CCBE1: variants seen among roughly 807,000 people sequenced by gnomAD.
The protein encoded by CCBE1 is collagen and calcium-binding EGF domain-containing protein 1.
Under a neutral mutation model 50.0 loss-of-function variants are expected in CCBE1, and 37 were observed. That is an observed-to-expected ratio of 0.74 (90% CI 0.57 to 0.97). The LOEUF is 0.97. Among genes scored for constraint, CCBE1 ranks in the 50% least tolerant of loss-of-function variants. CCBE1 has a pLI of 0.00. For synonymous variants in CCBE1, 234 were observed against 203.7 expected (o/e 1.15, Z -1.27); for missense variants, 538 against 523.8 (o/e 1.03, Z -0.26).
chr18:59,697,161 G>T (rs1177660006), intron 1 of CCBE1, 51 bp downstream of exon 1: 1 of 1,545,904 alleles, frequency 6.5e-7, no homozygotes. Context: ...CCCGCGAGCC[G>T]GGCGCGCATC....
chr18:59,595,109 T>C (rs1326691697), intron 2 of CCBE1, among the ~76,000 whole-genome samples: 2 of 127,628 alleles, frequency 1.6e-5, no homozygotes, highest in East Asian at 2.1e-4. Context: ...AGCGAGACTC[T>C]GTCTCAAAAA....
At chr18:59,493,180 C>CA in intron 2 of CCBE1, among the ~76,000 whole-genome samples, 1 of 152,138 alleles carries the variant, frequency 6.6e-6, no homozygotes, top group Non-Finnish European at 1.5e-5. Flanking sequence ...TTTGAGAAGA[C>CA]AAAAAGGGAA....
In CCBE1 at chr18:59,469,661, T is replaced by C; in HGVS notation, c.266-54A>G. On this transcript the variant is annotated intron_variant, in intron 3 of 10. Coordinates refer to ENST00000439986, the MANE Select transcript of CCBE1 (RefSeq NM_133459.4). ...AACTACAGGAGGAGGCGGAGTAACC[T>C]GGCCCTGGCCTGGAAAGGACTTTCT... The C allele has an allele frequency of 4.3e-6, 7 of 1,611,790 alleles. 1 individual carries two copies. The highest frequency in any genetic ancestry group is 2.5e-6 in the Non-Finnish European group (3 of 1,179,530).
chr18:59,688,471 C>A (rs2144744415), intron 2 of CCBE1: 1 of 152,294 alleles, frequency 6.6e-6, no homozygotes, highest in South Asian at 2.1e-4. Flanking sequence ...AAAACAAACC[C>A]TAACATGTTG....
chr18:59,499,144 A>C (rs142491188), intron 2 of CCBE1, among the ~76,000 whole-genome samples: 260 of 152,372 alleles, frequency 1.7e-3, no homozygotes, highest in African/African-American at 5.7e-3. Flanking sequence ...ACAGTCAAGC[A>C]AGAGCCCACA....
intron 2 of CCBE1, among the ~76,000 whole-genome samples, chr18:59,499,183 A>T (rs1913495929): frequency 6.6e-6 from 1 of 152,202 alleles, no homozygotes; most frequent in African/African-American, 2.4e-5. Context: ...AGAAGATACC[A>T]TTATGTTAGT....
At chr18:59,691,654 T>G (rs2054735192) in intron 2 of CCBE1, among the ~76,000 whole-genome samples, 1 of 152,216 alleles carries the variant, frequency 6.6e-6, no homozygotes, top group Non-Finnish European at 1.5e-5. Flanking sequence ...TCTGCCTGCC[T>G]TGGCCTCCCA....
At chr18:59,642,174 T>C (rs1192804320) in intron 2 of CCBE1, among the ~76,000 whole-genome samples, 2 of 151,944 alleles carry the variant, frequency 1.3e-5, no homozygotes, top group Non-Finnish European at 2.9e-5. Context: ...AGAAAAACAA[T>C]CTGATAGAGA....
intron 2 of CCBE1, among the ~76,000 whole-genome samples, chr18:59,531,654 G>A (rs138606733): frequency 2.6e-4 from 39 of 152,212 alleles, no homozygotes; most frequent in African/African-American, 5.8e-4. Flanking sequence ...AGGCTGAGGC[G>A]GATCACTTGA....
intron 2 of CCBE1, among the ~76,000 whole-genome samples, chr18:59,648,405 T>G (rs2054083829): frequency 6.6e-6 from 1 of 152,200 alleles, no homozygotes; most frequent in African/African-American, 2.4e-5. Context: ...CTGATGAGTT[T>G]GTAAACACAG....
intron 2 of CCBE1, among the ~76,000 whole-genome samples, chr18:59,545,919 G>T (rs925999608): frequency 6.6e-6 from 1 of 151,708 alleles, no homozygotes; most frequent in Non-Finnish European, 1.5e-5. Flanking sequence ...TTTTTCTTCT[G>T]AGTCTCAGGT....
intron 2 of CCBE1, among the ~76,000 whole-genome samples, chr18:59,600,380 A>G (rs140281248): frequency 4.7e-4 from 71 of 152,120 alleles, no homozygotes; most frequent in African/African-American, 1.5e-3. Flanking sequence ...AGGGCTTCCA[A>G]TGATTCTACA....
chr18:59,678,971 A>T (rs911527124), intron 2 of CCBE1, among the ~76,000 whole-genome samples: 29 of 152,384 alleles, frequency 1.9e-4, no homozygotes, highest in African/African-American at 6.7e-4. Flanking sequence ...AAATATACAT[A>T]TAAAAATAAA....
intron 2 of CCBE1, chr18:59,686,117 A>G (rs1012002273): frequency 2.0e-5 from 3 of 152,204 alleles, no homozygotes; most frequent in Admixed American, 2.0e-4. Context: ...TCATTGGATA[A>G]CTCAGGACAT....
At chr18:59,634,460 A>G (rs2053891120) in intron 2 of CCBE1, among the ~76,000 whole-genome samples, 1 of 152,218 alleles carries the variant, frequency 6.6e-6, no homozygotes, top group Non-Finnish European at 1.5e-5. Context: ...GAAGCAAACA[A>G]GTGTCCCGTG....
At chr18:59,646,944 A>G (rs1434744167) in intron 2 of CCBE1, among the ~76,000 whole-genome samples, 2 of 152,112 alleles carry the variant, frequency 1.3e-5, no homozygotes, top group Non-Finnish European at 2.9e-5. Flanking sequence ...CCCTAATCAA[A>G]CTCTGGGGAC....
intron 2 of CCBE1, among the ~76,000 whole-genome samples, chr18:59,671,336 T>C (rs2054426997): frequency 6.6e-6 from 1 of 151,234 alleles, no homozygotes; most frequent in African/African-American, 2.4e-5. Flanking sequence ...ACCCCATCTC[T>C]ACAAAAAAGA....
intron 2 of CCBE1, among the ~76,000 whole-genome samples, chr18:59,673,175 G>T (rs1239021655): frequency 2.0e-5 from 3 of 152,184 alleles, no homozygotes; most frequent in Non-Finnish European, 4.4e-5. Flanking sequence ...TTGAGGCCAG[G>T]CGTGGTGGCT....
chr18:59,681,646 G>C (rs1304695104), intron 2 of CCBE1, among the ~76,000 whole-genome samples: 1 of 152,202 alleles, frequency 6.6e-6, no homozygotes, highest in Non-Finnish European at 1.5e-5. Context: ...ACTTTGATGG[G>C]CTCCTGCACT....
Sources: allele counts gnomAD v4.1 joint callset (sites outside exome capture counted in the v4.1 genomes callset), GRCh38; gene constraint gnomAD v4.1.1; transcripts MANE v1.5; gene names NCBI Gene and HGNC (gene_info 2026-07-23, HGNC 2026-07-21).